RCL1: variants seen among roughly 807,000 people sequenced by gnomAD.
RCL1 encodes RNA terminal phosphate cyclase like 1.
Under a neutral mutation model 42.4 loss-of-function variants are expected in RCL1, and 24 were observed. The observed-to-expected ratio is 0.57, with a 90% CI of 0.41 to 0.80. The LOEUF is 0.80. RCL1 is among the 30% of genes least tolerant of loss of function. The probability of loss-of-function intolerance (pLI) is 0.00; values close to 1 mark genes in which losing one functional copy is unlikely to be tolerated. For synonymous variants in RCL1, 228 were observed against 177.3 expected (o/e 1.29, Z -2.27); for missense variants, 578 against 467.9 (o/e 1.24, Z -2.17).
At chr9:4,829,016 T>C (rs1351892664) in intron 3 of RCL1, among the ~76,000 whole-genome samples, 2 of 152,342 alleles carry the variant, frequency 1.3e-5, no homozygotes, top group East Asian at 3.9e-4. Flanking sequence ...GGTTTCCTCA[T>C]TAGTTCATGT....
intron 1 of RCL1, among the ~76,000 whole-genome samples, chr9:4,797,525 G>A (rs1443524785): frequency 6.6e-6 from 1 of 152,166 alleles, no homozygotes; most frequent in African/African-American, 2.4e-5. Context: ...ATTTTTGGTT[G>A]TCACAGCTTG....
chr9:4,823,674 T>C, intron 2 of RCL1, 55 bp downstream of exon 2: 1 of 1,243,456 alleles, frequency 8.0e-7, no homozygotes, highest in Non-Finnish European at 1.1e-6. Context: ...CATTCCTGTT[T>C]CTCACTCTTT....
chr9:4,798,495 C>G (rs1318497820), intron 1 of RCL1, among the ~76,000 whole-genome samples: 2 of 152,302 alleles, frequency 1.3e-5, no homozygotes, highest in East Asian at 3.9e-4. Context: ...CTCCATATGG[C>G]TTAAGCAGAT....
Position 4,844,547 on chromosome 9 carries a change from C to G in RCL1, c.733C>G (p.Leu245Val), listed in dbSNP as rs1438374873. 4 of 1,613,132 alleles carry G rather than the reference C, an allele frequency of 2.5e-6. No individual in the cohort carries two copies. Among genetic ancestry groups the G allele is most frequent in the Non-Finnish European group, 3.4e-6 (4 of 1,179,530 alleles). Residue 245 changes from leucine to valine, a missense_variant, in exon 7 of 9, where the codon CTG (leucine) becomes GTG (valine). Transcript: ENST00000381750. Reference protein sequence around the residue: ...SGKSPGFGLSLVAETTSGTFL... With the variant: ...SGKSPGFGLSVVAETTSGTFL... Reference sequence around the variant, plus strand: ...CAGGTCTCCGGGCTTTGGGTTGTCACTGGTTGCTGAGACCACCAGTGGCAC... The same window carrying G: ...CAGGTCTCCGGGCTTTGGGTTGTCAGTGGTTGCTGAGACCACCAGTGGCAC...
chr9:4,821,934 T>G (rs1190506814), intron 1 of RCL1, among the ~76,000 whole-genome samples: 1 of 152,210 alleles, frequency 6.6e-6, no homozygotes, highest in Admixed American at 6.5e-5. Flanking sequence ...ACAACTCAGT[T>G]TCAACATGAA....
intron 8 of RCL1, among the ~76,000 whole-genome samples, chr9:4,855,362 G>GTT: frequency 6.6e-6 from 1 of 151,662 alleles, no homozygotes; most frequent in South Asian, 2.1e-4. Flanking sequence ...TGAGCGGTGG[G>GTT]TCTCTTTGCC....
Position 4,849,477 on chromosome 9 carries a change from C to T in RCL1, c.898C>T (p.Leu300=). 6.2e-7 allele frequency: 1 copy of T among 1,614,116 alleles called. No homozygotes were observed. Among genetic ancestry groups the T allele is most frequent in the Non-Finnish European group, 8.5e-7 (1 of 1,179,986 alleles). ...GGCVDSTNQS[L]ALLLMTLGQQ... ...ATGCGTAGACTCGACCAACCAAAGCCTGGCGCTACTACTCATGACCCTTGG... is the reference window on the plus strand; with the variant it reads ...ATGCGTAGACTCGACCAACCAAAGCTTGGCGCTACTACTCATGACCCTTGG... The change falls in exon 8 of 9, where the codon CTG becomes TTG. Residue 300 remains leucine, a synonymous_variant. Transcript: ENST00000381750.
At chr9:4,818,244 A>T (rs1465618096) in intron 1 of RCL1, among the ~76,000 whole-genome samples, 1 of 151,970 alleles carries the variant, frequency 6.6e-6, no homozygotes, top group Admixed American at 6.6e-5. Flanking sequence ...TTTTAAAGTG[A>T]TAAATTTTTC....
chr9:4,858,113 C>T (rs539787406), intron 8 of RCL1, among the ~76,000 whole-genome samples: 2 of 151,852 alleles, frequency 1.3e-5, no homozygotes, highest in African/African-American at 2.4e-5. Flanking sequence ...AGGCCCCAAG[C>T]AATTTGCCTG....
intron 1 of RCL1, among the ~76,000 whole-genome samples, chr9:4,796,744 A>G (rs980271366): frequency 2.6e-5 from 4 of 152,130 alleles, no homozygotes; most frequent in African/African-American, 9.7e-5. Context: ...CATAGTGTAT[A>G]TATACCACAT....
chr9:4,859,633 A>G (rs555733831), intron 8 of RCL1, among the ~76,000 whole-genome samples: 123 of 152,268 alleles, frequency 8.1e-4, no homozygotes, highest in African/African-American at 2.7e-3. Flanking sequence ...GCTGTGAATC[A>G]TGGAAATAGG....
intron 1 of RCL1, among the ~76,000 whole-genome samples, chr9:4,798,747 C>T (rs182799309): frequency 6.6e-5 from 10 of 152,194 alleles, no homozygotes; most frequent in Non-Finnish European, 7.4e-5. Flanking sequence ...GGTTTTGGGG[C>T]GTAACAGATA....
intron 1 of RCL1, among the ~76,000 whole-genome samples, chr9:4,807,700 G>C (rs1405967635): frequency 6.6e-6 from 1 of 151,972 alleles, no homozygotes; most frequent in Non-Finnish European, 1.5e-5. Context: ...TGTATTTTTC[G>C]TAGAGACAGG....
chr9:4,833,253 A>C, intron 4 of RCL1, 25 bp downstream of exon 4: 3 of 1,555,884 alleles, frequency 1.9e-6, no homozygotes, highest in South Asian at 1.1e-5. Context: ...ACTGTTGACC[A>C]TATGTTCCTG....
At chr9:4,834,087 G>T (rs372465798) in intron 4 of RCL1, 54 bp from the exon 5 acceptor site, 1 of 1,586,354 alleles carries the variant, frequency 6.3e-7, no homozygotes, top group Middle Eastern at 1.9e-4. Flanking sequence ...AGGGTGTCAG[G>T]GTAATCCATT....
intron 1 of RCL1, among the ~76,000 whole-genome samples, chr9:4,806,633 C>CAT (rs1554636379): frequency 0.02 from 2,824 of 141,046 alleles, 109 homozygotes; most frequent in African/African-American, 0.061. Flanking sequence ...CACACACACA[C>CAT]ATATACTTAC....
intron 6 of RCL1, among the ~76,000 whole-genome samples, chr9:4,842,482 G>T (rs1019347330): frequency 1.3e-5 from 2 of 152,220 alleles, no homozygotes; most frequent in Admixed American, 6.5e-5. Context: ...TAACGCTGGG[G>T]TTGGGAAAGG....
chr9:4,819,216 G>A (rs945340463), intron 1 of RCL1, among the ~76,000 whole-genome samples: 21 of 152,198 alleles, frequency 1.4e-4, no homozygotes, highest in Admixed American at 3.9e-4. Flanking sequence ...ACCTCAGATC[G>A]TCAGGCATTA....
At chr9:4,799,939 C>T (rs1842971225) in intron 1 of RCL1, among the ~76,000 whole-genome samples, 1 of 152,132 alleles carries the variant, frequency 6.6e-6, no homozygotes, top group Non-Finnish European at 1.5e-5. Flanking sequence ...GGCAGACGTT[C>T]ATATGGGTTG....
Sources: gnomAD v4.1 joint callset for allele counts (sites outside exome capture counted in the v4.1 genomes callset) on GRCh38, gnomAD v4.1.1 for gene constraint, MANE v1.5 for transcripts, NCBI Gene and HGNC (gene_info 2026-07-23, HGNC 2026-07-21) for gene names.